SEM1: variants seen among roughly 807,000 people sequenced by gnomAD.
SEM1 encodes the protein 26S proteasome complex subunit SEM1.
A neutral mutation model predicts 12.7 loss-of-function variants in SEM1; 3 were observed. The observed-to-expected ratio is 0.24, with a 90% CI of 0.11 to 0.61. The LOEUF (loss-of-function observed/expected upper bound fraction) is 0.61. SEM1 is among the 20% of genes least tolerant of loss of function. SEM1 has a pLI of 0.88. For missense variants in SEM1, 59 were observed against 81.3 expected, an observed-to-expected ratio of 0.73 and a Z score of 1.06; for synonymous variants, 30 against 27.8, an observed-to-expected ratio of 1.08 and a Z score of -0.25.
intron 2 of SEM1, among the ~76,000 whole-genome samples, chr7:96,691,247 ATTAC>A: frequency 6.6e-6 from 1 of 152,346 alleles, no homozygotes; most frequent in Non-Finnish European, 1.5e-5. Flanking sequence ...GTTAAAGGTA[ATTAC>A]ACGGAAAGAG....
chr7:96,525,219 C>G (rs983704732), intron 2 of SEM1, among the ~76,000 whole-genome samples: 2 of 151,960 alleles, frequency 1.3e-5, no homozygotes, highest in African/African-American at 4.8e-5. Context: ...TTACCCCTCC[C>G]TTTTCTTATT....
At chr7:96,639,912 A>C (rs918086291) in intron 2 of SEM1, among the ~76,000 whole-genome samples, 1 of 152,034 alleles carries the variant, frequency 6.6e-6, no homozygotes, top group African/African-American at 2.4e-5. Context: ...CAAAGACCTC[A>C]ACAGACATCT....
chr7:96,653,153 C>T (rs117253240), intron 2 of SEM1, among the ~76,000 whole-genome samples: 3,633 of 152,242 alleles, frequency 0.024, 68 homozygotes, highest in Admixed American at 0.036. Flanking sequence ...ATGGTAAGGC[C>T]ATGATTCCCA....
At chr7:96,670,627 C>G (rs1463068252), downstream of SEM1, among the ~76,000 whole-genome samples, 2 of 152,184 alleles carry the variant, frequency 1.3e-5, no homozygotes, top group Non-Finnish European at 2.9e-5. Context: ...TCTGACAGAT[C>G]ACAGACCAAA....
intron 1 of SEM1, among the ~76,000 whole-genome samples, chr7:96,699,661 G>C (rs1180088147): frequency 6.6e-6 from 1 of 152,082 alleles, no homozygotes; most frequent in Non-Finnish European, 1.5e-5. Flanking sequence ...TCTTTTGAAA[G>C]CCCTGTTCAA....
intron 2 of SEM1, among the ~76,000 whole-genome samples, chr7:96,658,719 T>C (rs1442632296): frequency 6.6e-6 from 1 of 152,156 alleles, no homozygotes; most frequent in African/African-American, 2.4e-5. Flanking sequence ...CTGCAATCTT[T>C]GGGGCTACTC....
chr7:96,539,496 C>A (rs977161506), intron 2 of SEM1, among the ~76,000 whole-genome samples: 2 of 150,970 alleles, frequency 1.3e-5, no homozygotes, highest in African/African-American at 4.9e-5. Flanking sequence ...TGGCACTGAG[C>A]CATTTAAAAT....
At chr7:96,672,819 C>T (rs918340701), downstream of SEM1, 2 of 152,186 alleles carry the variant, frequency 1.3e-5, no homozygotes, top group African/African-American at 4.8e-5. Flanking sequence ...CTGGCCAACA[C>T]AAAGAAAACA....
chr7:96,670,074 T>C (rs187025065), downstream of SEM1, among the ~76,000 whole-genome samples: 9 of 152,318 alleles, frequency 5.9e-5, no homozygotes, highest in Admixed American at 3.3e-4. Flanking sequence ...AGGTATATCA[T>C]TGAAACCACT....
intron 2 of SEM1, among the ~76,000 whole-genome samples, chr7:96,517,051 G>A (rs969185490): frequency 6.6e-6 from 1 of 152,162 alleles, no homozygotes; most frequent in Non-Finnish European, 1.5e-5. Context: ...AAAAAGATCA[G>A]TGGTTTGTAG....
chr7:96,487,988 TATC>T (rs1220035802), intron 1 of SEM1, among the ~76,000 whole-genome samples: 1 of 141,974 alleles, frequency 7.0e-6, no homozygotes, highest in Non-Finnish European at 1.5e-5. Context: ...TTGCTGTTCT[TATC>T]ATTCACATTT....
intron 2 of SEM1, among the ~76,000 whole-genome samples, chr7:96,508,819 G>C (rs1030245432): frequency 6.6e-6 from 1 of 152,094 alleles, no homozygotes; most frequent in Non-Finnish European, 1.5e-5. Context: ...CTACTGTGGA[G>C]AATCTTCAGG....
At chr7:96,527,259 A>G (rs986730982) in intron 2 of SEM1, among the ~76,000 whole-genome samples, 5 of 152,132 alleles carry the variant, frequency 3.3e-5, no homozygotes, top group African/African-American at 7.2e-5. Context: ...TAACACAATG[A>G]CACGTGACTT....
downstream of SEM1, among the ~76,000 whole-genome samples, chr7:96,686,863 G>A (rs951250487): frequency 3.3e-5 from 5 of 152,114 alleles, no homozygotes; most frequent in Non-Finnish European, 5.9e-5. Context: ...CCTACAGAAT[G>A]GGAGAAAATT....
At chr7:96,594,396 A>AC (rs1287093547) in intron 2 of SEM1, among the ~76,000 whole-genome samples, 4 of 149,876 alleles carry the variant, frequency 2.7e-5, no homozygotes, top group African/African-American at 9.8e-5. Flanking sequence ...GGAATATGAA[A>AC]ACCCCCCCAC....
intron 2 of SEM1, among the ~76,000 whole-genome samples, chr7:96,644,562 T>A (rs1729909748): frequency 6.6e-6 from 1 of 152,174 alleles, no homozygotes; most frequent in Non-Finnish European, 1.5e-5. Flanking sequence ...AAGGAGGGAC[T>A]GTTCAGAACA....
At chr7:96,572,401 C>T (rs1461659491) in intron 2 of SEM1, among the ~76,000 whole-genome samples, 1 of 152,176 alleles carries the variant, frequency 6.6e-6, no homozygotes, top group Non-Finnish European at 1.5e-5. Flanking sequence ...ATCTTTCCTG[C>T]TTTCTCCTGT....
At chr7:96,500,749 G>T (rs1803503014), upstream of SEM1, among the ~76,000 whole-genome samples, 1 of 152,104 alleles carries the variant, frequency 6.6e-6, no homozygotes, top group Non-Finnish European at 1.5e-5. Flanking sequence ...GATTATCTTT[G>T]CTGCAGCTTC....
rs181864676 is a variant in SEM1, at chr7:96,522,609, G to A, written c.171-15911C>T. Among the ~76,000 whole-genome samples, 375 of 151,708 alleles carry A rather than the reference G, an allele frequency of 2.5e-3. 7 individuals are homozygous for A. The highest frequency in any genetic ancestry group is 9.3e-3 in the Admixed American group (141 of 15,226). On this transcript the variant is annotated intron_variant and NMD_transcript_variant, in intron 2 of 3. Coordinates refer to the SEM1 transcript ENST00000466986. ...AGATGTTGTTGGGGTCAGGCACAGT[G>A]GCTCACACCTGTAATCCCAGCACTT...
Sources: allele counts gnomAD v4.1 joint callset (sites outside exome capture counted in the v4.1 genomes callset), GRCh38; gene constraint gnomAD v4.1.1; transcripts MANE v1.5; gene names NCBI Gene and HGNC (gene_info 2026-07-23, HGNC 2026-07-21).